The following RAB5A variants were observed in gnomAD, a reference collection of about 807,000 sequenced individuals.
The protein encoded by RAB5A is ras-related protein Rab-5A.
RAB5A carries 8 observed loss-of-function variants against 25.7 expected under a neutral mutation model. The ratio of observed to expected loss-of-function variants is 0.31; its 90% CI spans 0.18 to 0.56. RAB5A has a LOEUF of 0.56. Ranked by LOEUF, RAB5A falls within the 20% of genes least tolerant of loss-of-function variation. RAB5A has a pLI of 0.91. For synonymous variants in RAB5A, 98 were observed against 89.8 expected, an observed-to-expected ratio of 1.09 and a Z score of -0.52; for missense variants, 192 against 259.7, an observed-to-expected ratio of 0.74 and a Z score of 1.79.
At chr3:19,960,558 C>T (rs537902930) in intron 2 of RAB5A, among the ~76,000 whole-genome samples, 3 of 152,216 alleles carry the variant, frequency 2.0e-5, no homozygotes, top group Admixed American at 6.6e-5. Flanking sequence ...GCCTTAGCCT[C>T]CCAAAGTGCT....
chr3:19,955,608 T>C (rs913440753), intron 2 of RAB5A, among the ~76,000 whole-genome samples: 1 of 152,090 alleles, frequency 6.6e-6, no homozygotes, highest in Admixed American at 6.6e-5. Flanking sequence ...TTAAAAACAT[T>C]GTTGACTGGG....
intron 1 of RAB5A, among the ~76,000 whole-genome samples, chr3:19,949,024 TTTAA>T (rs563618742): frequency 6.6e-6 from 1 of 152,228 alleles, no homozygotes; most frequent in Admixed American, 6.5e-5. Context: ...TATTGTTTTA[TTTAA>T]TTGTCACATC....
intron 2 of RAB5A, among the ~76,000 whole-genome samples, chr3:19,956,738 A>G (rs1261432066): frequency 6.6e-6 from 1 of 152,220 alleles, no homozygotes; most frequent in Admixed American, 6.5e-5. Flanking sequence ...TTTTACCACA[A>G]TGCCTGGCAC....
chr3:19,966,405 C>CA (rs1696663082), intron 2 of RAB5A, among the ~76,000 whole-genome samples: 1 of 152,200 alleles, frequency 6.6e-6, no homozygotes, highest in Admixed American at 6.5e-5. Context: ...GATAATATTC[C>CA]ATTGTATGTA....
intron 2 of RAB5A, chr3:19,970,466 G>T: frequency 2.3e-6 from 1 of 441,530 alleles, no homozygotes; most frequent in South Asian, 1.6e-5. Flanking sequence ...TGATCACGTA[G>T]CTCAGAGGGA....
chr3:19,953,970 A>G (rs1316484767), intron 2 of RAB5A, among the ~76,000 whole-genome samples: 1 of 152,180 alleles, frequency 6.6e-6, no homozygotes, highest in Non-Finnish European at 1.5e-5. Flanking sequence ...CATGTGGTAG[A>G]AGTTACCTGA....
chr3:19,961,985 G>T (rs1303247341), intron 2 of RAB5A, among the ~76,000 whole-genome samples: 3 of 152,122 alleles, frequency 2.0e-5, no homozygotes, highest in African/African-American at 7.2e-5. Context: ...GGGCTTAGTA[G>T]GTGGTTCTCA....
At position 19,983,889 on chromosome 3, in the gene RAB5A, G is replaced by A; in HGVS notation, c.*66G>A. 1.8e-6 allele frequency: 2 copies of A among 1,090,192 alleles called. No individual in the cohort carries two copies. The highest frequency in any genetic ancestry group is 2.8e-5 in the South Asian group (2 of 71,734). 67.5% of individuals were successfully genotyped at this position (1,090,192 alleles called of 1,614,324 possible). A position where few individuals can be genotyped will look rare whatever the true frequency, so the allele number is the denominator to read the frequency against. On this transcript the variant is annotated 3_prime_UTR_variant, in exon 6 of 6. Coordinates refer to ENST00000273047, the MANE Select transcript of RAB5A (RefSeq NM_004162.5). ...AAATGTTAATAACAATGGAATTGGA[G>A]CATTTAACCAGCCCAGTATGACTTC...
intron 2 of RAB5A, among the ~76,000 whole-genome samples, chr3:19,968,228 T>C (rs1696687753): frequency 1.3e-5 from 2 of 152,236 alleles, no homozygotes; most frequent in Admixed American, 6.5e-5. Flanking sequence ...AATACTTAGT[T>C]ACTAGTATTT....
chr3:19,967,427 G>GA (rs1398536561), intron 2 of RAB5A, among the ~76,000 whole-genome samples: 13 of 152,282 alleles, frequency 8.5e-5, no homozygotes, highest in African/African-American at 2.9e-4. Context: ...TTATAGGCAT[G>GA]AGCCATTGCG....
rs1381765539 is a variant in RAB5A, at chr3:19,950,853, A to C, written c.-46A>C. 1.0e-5 allele frequency: 16 copies of C among 1,554,984 alleles called. No homozygotes were observed. The highest frequency in any genetic ancestry group is 1.2e-5 in the Non-Finnish European group (14 of 1,147,026). The stretch of plus-strand genomic sequence containing the variant: ...GAATATTGGCCCCTTGAATTCTGGA[A>C]GTTCATTGAAGAGTCTGAAATTAGG... On this transcript the variant is annotated 5_prime_UTR_variant, in exon 2 of 6. Transcript: ENST00000273047.
At chr3:19,957,953 A>G (rs1302501124) in intron 2 of RAB5A, among the ~76,000 whole-genome samples, 1 of 152,192 alleles carries the variant, frequency 6.6e-6, no homozygotes, top group East Asian at 1.9e-4. Context: ...AATCCAAATA[A>G]CTCATGTTTT....
At chr3:19,971,042 C>G (rs1559490695) in intron 2 of RAB5A, among the ~76,000 whole-genome samples, 2 of 151,970 alleles carry the variant, frequency 1.3e-5, no homozygotes, top group South Asian at 2.1e-4. Context: ...ACTAAAAATA[C>G]AAAAATTAGC....
rs1193214157 is a variant in RAB5A at position 19,983,905 on chromosome 3, G to A, written c.*82G>A. 1.1e-6 allele frequency: 1 copy of A among 899,362 alleles called. No homozygotes were observed. The highest frequency in any genetic ancestry group is 1.6e-5 in the South Asian group (1 of 63,442). The allele number at this position is 899,362 out of a possible 1,614,324, so 55.7% of individuals were successfully genotyped here. ...GGAATTGGAGCATTTAACCAGCCCA[G>A]TATGACTTCCAAAAGAAGAGACTTA... On this transcript the variant is annotated 3_prime_UTR_variant, in exon 6 of 6. Coordinates refer to ENST00000273047, the MANE Select transcript of RAB5A (RefSeq NM_004162.5).
intron 2 of RAB5A, among the ~76,000 whole-genome samples, chr3:19,967,733 TTTTCCCTCCTGGGTGCTGA>T (rs1696681159): frequency 6.6e-6 from 1 of 152,100 alleles, no homozygotes; most frequent in Non-Finnish European, 1.5e-5. Flanking sequence ...ATTTTTTCTT[TTTTCCCTCCTGGGTGCTGA>T]GTAATACTTA....
chr3:19,979,262 A>C (rs1325366436), intron 5 of RAB5A, among the ~76,000 whole-genome samples: 1 of 150,144 alleles, frequency 6.7e-6, no homozygotes, highest in Non-Finnish European at 1.5e-5. Flanking sequence ...GGCGTGAGCC[A>C]CTACACCCAG....
intron 5 of RAB5A, among the ~76,000 whole-genome samples, chr3:19,982,683 A>G (rs1575079889): frequency 6.6e-6 from 1 of 151,836 alleles, no homozygotes; most frequent in East Asian, 2.0e-4. Flanking sequence ...ACCCCATCTC[A>G]CTTTGGAACT....
chr3:19,975,036 GCCAA>G (rs960302802), intron 2 of RAB5A, among the ~76,000 whole-genome samples: 74 of 152,226 alleles, frequency 4.9e-4, no homozygotes, highest in African/African-American at 1.7e-3. Flanking sequence ...GACCAGCCTG[GCCAA>G]CATGGTGAAA....
chr3:19,973,424 A>G (rs1369886257), intron 2 of RAB5A, among the ~76,000 whole-genome samples: 1 of 152,042 alleles, frequency 6.6e-6, no homozygotes, highest in Non-Finnish European at 1.5e-5. Flanking sequence ...TACTTGAAAA[A>G]AGGCTTATGT....
Sources: gnomAD v4.1 joint callset for allele counts (sites outside exome capture counted in the v4.1 genomes callset) on GRCh38, gnomAD v4.1.1 for gene constraint, MANE v1.5 for transcripts, NCBI Gene and HGNC (gene_info 2026-07-23, HGNC 2026-07-21) for gene names.